Variants in UVSSA observed in about 807,000 individuals in gnomAD.
UVSSA encodes UV-stimulated scaffold protein A.
A neutral mutation model predicts 73.9 loss-of-function variants in UVSSA; 72 were observed. The ratio of observed to expected loss-of-function variants is 0.97; its 90% CI spans 0.81 to 1.19. UVSSA has a LOEUF of 1.19. UVSSA is among the 50% of genes most tolerant of loss of function. UVSSA has a pLI of 0.00. For missense variants in UVSSA, 1,150 were observed against 965.0 expected, an observed-to-expected ratio of 1.19 and a Z score of -2.54; for synonymous variants, 454 against 391.3, an observed-to-expected ratio of 1.16 and a Z score of -1.89.
intron 10 of UVSSA, among the ~76,000 whole-genome samples, chr4:1,376,691 C>T (rs1013287473): frequency 3.3e-5 from 5 of 152,312 alleles, no homozygotes; most frequent in East Asian, 3.9e-4. Context: ...AGGGGGCACA[C>T]GGGGGTCATC....
intron 2 of UVSSA, 104 bp from the exon 3 acceptor site, chr4:1,349,419 TG>T: frequency 9.2e-7 from 1 of 1,085,324 alleles, no homozygotes; most frequent in Non-Finnish European, 1.3e-6. Context: ...GGGAAGGCAG[TG>T]GTGGTCCCTG....
chr4:1,351,217 C>T (rs1345545535), intron 3 of UVSSA, among the ~76,000 whole-genome samples: 1 of 151,558 alleles, frequency 6.6e-6, no homozygotes, highest in Non-Finnish European at 1.5e-5. Flanking sequence ...AAGCACCCCC[C>T]ACCACGCCCG....
rs748234387 is a variant in UVSSA at position 1,349,799 on chromosome 4, G to A, written c.374G>A (p.Gly125Glu). The change falls in exon 3 of 14, where the codon GGG (glycine) becomes GAG (glutamate). Residue 125 changes from glycine to glutamate, a missense_variant. Gly to Glu is a moderately conservative substitution (Grantham distance 98, BLOSUM62 -2). Coordinates refer to ENST00000389851, the MANE Select transcript of UVSSA (RefSeq NM_020894.4). ...RAVEGWNEKF[G>E]EAYKKLALGY... is the part of the protein sequence containing the mutation. ...GTGGAAGGGTGGAATGAGAAGTTTG[G>A]GGAGGCCTACAAGAAGCTTGCCTTG... The A allele has an allele frequency of 6.3e-7, 1 of 1,593,804 alleles. No homozygotes were observed. Among genetic ancestry groups the A allele is most frequent in the South Asian group, 1.1e-5 (1 of 89,468 alleles).
exon 14 of UVSSA, chr4:1,394,190 G>T (rs962146576): frequency 1.6e-5 from 8 of 489,196 alleles, no homozygotes; most frequent in Non-Finnish European, 2.9e-5. Flanking sequence ...GCCTGTGTGG[G>T]CACAGCCTTC....
intron 7 of UVSSA, among the ~76,000 whole-genome samples, chr4:1,365,828 C>T (rs893662435): frequency 2.6e-5 from 4 of 150,974 alleles, no homozygotes; most frequent in Admixed American, 6.6e-5. Flanking sequence ...ACCGCAGACG[C>T]ACCTGCTCCA....
downstream of UVSSA, chr4:1,388,773 T>C (rs1486151048): frequency 6.6e-6 from 1 of 152,242 alleles, no homozygotes; most frequent in African/African-American, 2.4e-5. Context: ...TCTCATATAT[T>C]GAACCGACCT....
intron 12 of UVSSA, among the ~76,000 whole-genome samples, chr4:1,382,622 T>C (rs1467642387): frequency 1.3e-5 from 2 of 152,242 alleles, no homozygotes; most frequent in Admixed American, 6.5e-5. Flanking sequence ...TTCACCGGGT[T>C]CCTAAACTGT....
chr4:1,379,433 T>A (rs551440055), intron 10 of UVSSA, among the ~76,000 whole-genome samples: 1 of 152,206 alleles, frequency 6.6e-6, no homozygotes, highest in Non-Finnish European at 1.5e-5. Context: ...CCGGAAAGCG[T>A]CCCTAACCAG....
In UVSSA at chr4:1,354,903, T is replaced by TGTGG. The variant is rs1715443607; in HGVS notation, c.1047+57_1047+58insTGGG. 6 of 1,465,776 alleles carry TGTGG rather than the reference T, an allele frequency of 4.1e-6. No homozygotes were observed. In the East Asian group the frequency reaches 1.2e-4, roughly 29 times the overall value. 90.8% of individuals were successfully genotyped at this position (1,465,776 alleles called of 1,614,324 possible). ...AGGGACGTGTGCAGAGTGCCATGCA[T>TGTGG]GGGGGGGGTCCCTTTCTTGGGGGGA... On this transcript the variant is annotated intron_variant, in intron 6 of 13. Transcript: ENST00000389851.
chr4:1,380,289 A>C lies in UVSSA; in HGVS notation c.1752+59A>C, dbSNP rs920176833. On this transcript the variant is annotated intron_variant, in intron 11 of 13. Coordinates refer to ENST00000389851, the MANE Select transcript of UVSSA (RefSeq NM_020894.4). Reference sequence around the variant, plus strand: ...GGGCTGGACCAGGTGGGGCAGCCAGAGGGGTGCTGAGCCCCACCTGCCCCT... The same window carrying C: ...GGGCTGGACCAGGTGGGGCAGCCAGCGGGGTGCTGAGCCCCACCTGCCCCT... The C allele has an allele frequency of 3.9e-6, 6 of 1,552,570 alleles. No individual in the cohort carries two copies. In the Admixed American group the frequency reaches 1.1e-4, roughly 28 times the overall value.
At chr4:1,367,931 C>T (rs910114348) in intron 8 of UVSSA, among the ~76,000 whole-genome samples, 10 of 152,246 alleles carry the variant, frequency 6.6e-5, no homozygotes, top group Non-Finnish European at 1.3e-4. Flanking sequence ...GGGCAGGCGT[C>T]CCCACGCCTG....
upstream of UVSSA, among the ~76,000 whole-genome samples, chr4:1,344,378 C>G (rs1246555281): frequency 6.6e-6 from 1 of 152,038 alleles, no homozygotes; most frequent in Non-Finnish European, 1.5e-5. Context: ...TGGTGAAACC[C>G]TGTTTCTACT....
Position 1,353,060 on chromosome 4 carries a change from C to G in UVSSA, c.581C>G (p.Thr194Arg). ...EMSGEIESCLTEVESCFRLLV... is the reference protein window; with the variant it reads ...EMSGEIESCLREVESCFRLLV... ...TCTGGAGAAATTGAATCCTGCTTGA[C>G]GGAGGTAGAGAGCTGCTTTAGGCTG... is the stretch of plus-strand genomic sequence containing the variant. Residue 194 changes from threonine to arginine, a missense_variant, in exon 5 of 14, where the codon ACG becomes AGG. Coordinates refer to ENST00000389851, the MANE Select transcript of UVSSA (RefSeq NM_020894.4). The G allele has an allele frequency of 6.2e-7, 1 of 1,612,094 alleles. No individual in the cohort carries two copies. Among genetic ancestry groups the G allele is most frequent in the Non-Finnish European group, 8.5e-7 (1 of 1,179,536 alleles).
chr4:1,353,374 G>A lies in UVSSA; in HGVS notation c.895G>A (p.Gly299Ser). 2 of 1,601,780 alleles carry A rather than the reference G, an allele frequency of 1.2e-6. No homozygotes were observed. The highest frequency in any genetic ancestry group is 8.5e-7 in the Non-Finnish European group (1 of 1,174,746). The change falls in exon 5 of 14, where the codon GGC (glycine) becomes AGC (serine). Residue 299 changes from glycine (G) to serine (S), a missense_variant. Gly to Ser is a moderately conservative substitution (Grantham distance 56). Transcript: ENST00000389851. The part of the protein sequence containing the change: ...LEEFVRSHGL[G>S]SHKYTLDVEL... ...GGAGTTTGTGCGGAGCCACGGGCTG[G>A]GCTCGCACAAGTACACGCTGGATGT...
At chr4:1,354,907 G>GA in intron 6 of UVSSA, 60 bp downstream of exon 6, 2 of 1,467,442 alleles carry the variant, frequency 1.4e-6, no homozygotes, top group Non-Finnish European at 9.4e-7. Context: ...CATGCATGGG[G>GA]GGGGTCCCTT....
At chr4:1,342,328 T>G (rs1713460973), upstream of UVSSA, among the ~76,000 whole-genome samples, 1 of 152,226 alleles carries the variant, frequency 6.6e-6, no homozygotes, top group Non-Finnish European at 1.5e-5. Flanking sequence ...TTTCCCTTGC[T>G]TTTCTTTGAT....
chr4:1,353,711 C>T (rs1229650789), intron 5 of UVSSA, among the ~76,000 whole-genome samples: 1 of 152,182 alleles, frequency 6.6e-6, no homozygotes, highest in African/African-American at 2.4e-5. Flanking sequence ...GGTCGTGAGG[C>T]TGTTGCGGTC....
upstream of UVSSA, among the ~76,000 whole-genome samples, chr4:1,346,534 G>A (rs551253409): frequency 1.6e-4 from 25 of 152,140 alleles, no homozygotes; most frequent in Non-Finnish European, 2.9e-4. Flanking sequence ...GGGCCAGCCC[G>A]GGCCCAGGGG....
intron 7 of UVSSA, among the ~76,000 whole-genome samples, chr4:1,361,988 G>C (rs1716710080): frequency 6.6e-6 from 1 of 152,052 alleles, no homozygotes; most frequent in Admixed American, 6.5e-5. Flanking sequence ...GGCCCCAGCT[G>C]TATCTCCCAG....
Sources: allele counts gnomAD v4.1 joint callset (sites outside exome capture counted in the v4.1 genomes callset), GRCh38; gene constraint gnomAD v4.1.1; transcripts MANE v1.5; gene names NCBI Gene and HGNC (gene_info 2026-07-23, HGNC 2026-07-21).